The following PELI1 variants were observed in gnomAD, a reference collection of about 807,000 sequenced individuals.
The protein encoded by PELI1 is pellino E3 ubiquitin protein ligase 1.
A neutral mutation model predicts 41.3 loss-of-function variants in PELI1; 15 were observed. The observed-to-expected ratio is 0.36, with a 90% CI of 0.24 to 0.56. The LOEUF (loss-of-function observed/expected upper bound fraction) is 0.56. Among genes scored for constraint, PELI1 ranks in the 20% least tolerant of loss-of-function variants. PELI1 has a pLI of 0.82. For missense variants in PELI1, 403 were observed against 525.5 expected (o/e 0.77, Z 2.28); for synonymous variants, 178 against 180.1 (o/e 0.99, Z 0.09).
Position 64,094,796 on chromosome 2 carries a change from G to A in PELI1, c.1163C>T (p.Thr388Ile). The change falls in exon 7 of 7, where the codon ACT becomes ATT. Residue 388 changes from threonine to isoleucine, a missense_variant. Transcript: ENST00000358912. ...GGGACAGGCTGCATGAAAAGTATGA[G>A]TACCATGAGGAAGTGGGATCTGGGA... ...YWSQIPLPHG[T>I]HTFHAACPFC... The A allele has an allele frequency of 6.2e-7, 1 of 1,614,118 alleles. No individual in the cohort carries two copies. Among genetic ancestry groups the A allele is most frequent in the African/African-American group, 1.3e-5 (1 of 75,040 alleles).
At chr2:64,098,386 C>T (rs926452705) in intron 4 of PELI1, among the ~76,000 whole-genome samples, 1 of 152,154 alleles carries the variant, frequency 6.6e-6, no homozygotes, top group Admixed American at 6.6e-5. Flanking sequence ...CCAATCCAGC[C>T]GAATTTCCTG....
chr2:64,143,386 T>C (rs1157531652), intron 1 of PELI1: 2 of 152,214 alleles, frequency 1.3e-5, no homozygotes, highest in Non-Finnish European at 2.9e-5. Context: ...CACGGGGCTT[T>C]GGAGAACGGG....
At chr2:64,142,485 T>G (rs1294680183) in intron 1 of PELI1, among the ~76,000 whole-genome samples, 1 of 152,222 alleles carries the variant, frequency 6.6e-6, no homozygotes, top group Non-Finnish European at 1.5e-5. Flanking sequence ...ATGCTTGGTT[T>G]AAATTTTTGG....
chr2:64,121,599 T>C (rs1033060568), intron 1 of PELI1, among the ~76,000 whole-genome samples: 1 of 152,206 alleles, frequency 6.6e-6, no homozygotes, highest in African/African-American at 2.4e-5. Flanking sequence ...AAAATCTCCA[T>C]ATTTTCTAAG....
intron 2 of PELI1, chr2:64,106,245 A>G (rs186683930): frequency 6.6e-6 from 1 of 152,260 alleles, no homozygotes; most frequent in Admixed American, 6.5e-5. Flanking sequence ...GCGTTCCTGT[A>G]GTTCAAAGCT....
intron 1 of PELI1, among the ~76,000 whole-genome samples, chr2:64,118,488 GA>G (rs1681093207): frequency 1.3e-5 from 2 of 151,872 alleles, no homozygotes; most frequent in Admixed American, 6.6e-5. Flanking sequence ...CCTATAGAAA[GA>G]AAAAAAGTTC....
chr2:64,137,849 T>G (rs1681767579), intron 1 of PELI1, among the ~76,000 whole-genome samples: 1 of 152,196 alleles, frequency 6.6e-6, no homozygotes. Context: ...GTGTGGCTCT[T>G]AAACTGGCTT....
chr2:64,108,020 A>T (rs1680679464), intron 2 of PELI1, among the ~76,000 whole-genome samples: 2 of 152,156 alleles, frequency 1.3e-5, no homozygotes, highest in Admixed American at 1.3e-4. Context: ...TCTGTGGGTA[A>T]GGGTGAGACA....
Position 64,094,168 on chromosome 2 carries a change from A to C in PELI1, c.*534T>G, listed in dbSNP as rs1386531796. The C allele has an allele frequency of 6.6e-6, 1 of 152,636 alleles. No homozygotes were observed. Among genetic ancestry groups the C allele is most frequent in the Non-Finnish European group, 1.5e-5 (1 of 68,080 alleles). The allele number at this position is 152,636 out of a possible 1,614,324, so 9.5% of individuals were successfully genotyped here. A position where few individuals can be genotyped will look rare whatever the true frequency, so the allele number is the denominator to read the frequency against. On this transcript the variant is annotated 3_prime_UTR_variant, in exon 7 of 7. Transcript: ENST00000358912. ...GAGAGGCTCTCTCGTCCTTCTTCCT[A>C]ACTTTGCAAATCCTTGAGCTAGGTT... is the stretch of plus-strand genomic sequence containing the variant.
chr2:64,104,267 T>G (rs1680542823), intron 3 of PELI1, among the ~76,000 whole-genome samples: 1 of 152,212 alleles, frequency 6.6e-6, no homozygotes, highest in South Asian at 2.1e-4. Flanking sequence ...GACCCTTAGT[T>G]TAAAAATTAC....
intron 1 of PELI1, among the ~76,000 whole-genome samples, chr2:64,114,540 T>C (rs57739605): frequency 0.071 from 10,776 of 152,222 alleles, 601 homozygotes; most frequent in African/African-American, 0.16. Context: ...ACCACCTGTG[T>C]AAATTCCCAC....
intron 1 of PELI1, among the ~76,000 whole-genome samples, chr2:64,119,059 C>T (rs1208584630): frequency 6.6e-6 from 1 of 151,478 alleles, no homozygotes; most frequent in Non-Finnish European, 1.5e-5. Context: ...TCTCTGTTAA[C>T]CAATAATCAA....
chr2:64,127,315 G>T (rs1016334588), intron 1 of PELI1, among the ~76,000 whole-genome samples: 8 of 152,208 alleles, frequency 5.3e-5, no homozygotes, highest in African/African-American at 1.9e-4. Flanking sequence ...CAGGCAGGAG[G>T]ACTGCTTGAG....
chr2:64,134,779 T>C (rs1681662859), intron 1 of PELI1, among the ~76,000 whole-genome samples: 1 of 152,156 alleles, frequency 6.6e-6, no homozygotes, highest in African/African-American at 2.4e-5. Context: ...ATACTACGGA[T>C]AGTATCTGCC....
intron 1 of PELI1, among the ~76,000 whole-genome samples, chr2:64,134,688 T>C (rs1201629015): frequency 6.6e-6 from 1 of 152,144 alleles, no homozygotes; most frequent in Non-Finnish European, 1.5e-5. Context: ...CTAACTGTAG[T>C]CTAAATTAAA....
intron 1 of PELI1, among the ~76,000 whole-genome samples, chr2:64,128,021 T>C (rs1681443903): frequency 6.6e-6 from 1 of 152,168 alleles, no homozygotes; most frequent in African/African-American, 2.4e-5. Context: ...TTCAGGCAAT[T>C]TCAGCTCTGG....
chr2:64,137,486 T>C (rs1019680163), intron 1 of PELI1, among the ~76,000 whole-genome samples: 1 of 151,896 alleles, frequency 6.6e-6, no homozygotes, highest in African/African-American at 2.4e-5. Flanking sequence ...ATCTTGTATG[T>C]GTGTGTGTGT....
At chr2:64,128,801 C>T (rs1458054291) in intron 1 of PELI1, among the ~76,000 whole-genome samples, 1 of 152,104 alleles carries the variant, frequency 6.6e-6, no homozygotes, top group South Asian at 2.1e-4. Context: ...TAACATTTGT[C>T]AAACTCTTGG....
intron 1 of PELI1, among the ~76,000 whole-genome samples, chr2:64,139,195 T>C (rs1681815222): frequency 6.6e-6 from 1 of 152,244 alleles, no homozygotes; most frequent in Admixed American, 6.5e-5. Flanking sequence ...GCTTCATACA[T>C]TGCATTTGGT....
Sources: gnomAD v4.1 joint callset for allele counts (sites outside exome capture counted in the v4.1 genomes callset) on GRCh38, gnomAD v4.1.1 for gene constraint, MANE v1.5 for transcripts, NCBI Gene and HGNC (gene_info 2026-07-23, HGNC 2026-07-21) for gene names.